HCFC2: variants seen among roughly 807,000 people sequenced by gnomAD.
HCFC2 encodes the protein host cell factor 2.
Under a neutral mutation model 89.2 loss-of-function variants are expected in HCFC2, and 18 were observed. The ratio of observed to expected loss-of-function variants is 0.20; its 90% CI spans 0.14 to 0.30. The LOEUF (loss-of-function observed/expected upper bound fraction) is 0.30, where lower values mean the gene tolerates loss of function less well. Among genes scored for constraint, HCFC2 ranks in the 10% least tolerant of loss-of-function variants. The pLI is 1.00. For synonymous variants in HCFC2, 308 were observed against 335.7 expected (o/e 0.92, Z 0.90); for missense variants, 578 against 956.1 (o/e 0.60, Z 5.21).
intron 4 of HCFC2, among the ~76,000 whole-genome samples, chr12:104,080,004 A>G (rs1883632654): frequency 6.6e-6 from 1 of 152,164 alleles, no homozygotes; most frequent in African/African-American, 2.4e-5. Flanking sequence ...TTATATGGTT[A>G]CCCTATCTAC....
At chr12:104,079,223 C>G (rs1312373902) in intron 3 of HCFC2, among the ~76,000 whole-genome samples, 1 of 152,090 alleles carries the variant, frequency 6.6e-6, no homozygotes, top group Non-Finnish European at 1.5e-5. Flanking sequence ...TATTTTTAAT[C>G]TCTTCTGCTC....
chr12:104,087,950 A>T, intron 8 of HCFC2, 36 bp from the exon 9 acceptor site: 2 of 1,309,930 alleles, frequency 1.5e-6, no homozygotes, highest in Non-Finnish European at 2.1e-6. Flanking sequence ...AAGCTAGTTA[A>T]GAGCATATCA....
At chr12:104,090,780 T>G (rs1187855735) in intron 9 of HCFC2, 3 of 152,154 alleles carry the variant, frequency 2.0e-5, no homozygotes, top group Non-Finnish European at 2.9e-5. Context: ...GTTTTAACCT[T>G]GGACTTCCAC....
chr12:104,064,539 C>T lies in HCFC2; in HGVS notation c.-22C>T, dbSNP rs1390322513. ...TGAGGCGGGAGCGGTGCATTGTGGGCAGAGGGGCGGGGGTTGGGAAGATGG... is the reference window on the plus strand; with the variant it reads ...TGAGGCGGGAGCGGTGCATTGTGGGTAGAGGGGCGGGGGTTGGGAAGATGG... On this transcript the variant is annotated 5_prime_UTR_variant, in exon 1 of 15. Transcript: ENST00000229330. This position sits in a 1 kb window ranked among gnomAD's most constrained non-coding sequence, Gnocchi z 7.3. The T allele has an allele frequency of 7.5e-6, 11 of 1,473,030 alleles. No individual in the cohort carries two copies. Among genetic ancestry groups the T allele is most frequent in the Non-Finnish European group, 9.0e-6 (10 of 1,109,534 alleles). The allele number at this position is 1,473,030 out of a possible 1,614,324, so 91.2% of individuals were successfully genotyped here. A position where few individuals can be genotyped will look rare whatever the true frequency, so the allele number is the denominator to read the frequency against.
intron 7 of HCFC2, among the ~76,000 whole-genome samples, chr12:104,084,859 G>A (rs569717559): frequency 6.6e-6 from 1 of 152,194 alleles, no homozygotes; most frequent in African/African-American, 2.4e-5. Context: ...TGTGGCAAGT[G>A]AAAGAAAGGG....
intron 12 of HCFC2, among the ~76,000 whole-genome samples, chr12:104,097,942 G>A (rs1227269168): frequency 1.3e-5 from 2 of 152,220 alleles, no homozygotes; most frequent in Non-Finnish European, 2.9e-5. Flanking sequence ...CTAGAAATGA[G>A]CCAGCTTGGA....
rs1347355033 is a variant in HCFC2 at position 104,105,148 on chromosome 12, A to C, written c.*1875A>C. ...TAAAATACATGGTAAGCAATTTTGC[A>C]CATATTAAATATTAGGGTTTGTTGT... On this transcript the variant is annotated 3_prime_UTR_variant, in exon 15 of 15. Transcript: ENST00000229330. 6.6e-6 allele frequency: 1 copy of C among 152,060 alleles called. No homozygotes were observed. Among genetic ancestry groups the C allele is most frequent in the Non-Finnish European group, 1.5e-5 (1 of 67,898 alleles). The allele number at this position is 152,060 out of a possible 1,614,324, so 9.4% of individuals were successfully genotyped here.
intron 3 of HCFC2, among the ~76,000 whole-genome samples, chr12:104,077,490 C>T (rs1177646725): frequency 1.3e-5 from 2 of 151,246 alleles, no homozygotes; most frequent in Non-Finnish European, 2.9e-5. Context: ...GTGATCTGCC[C>T]GCCTCGGCCT....
chr12:104,098,318 T>G (rs749438434), intron 12 of HCFC2, 25 bp from the exon 13 acceptor site: 1 of 1,578,798 alleles, frequency 6.3e-7, no homozygotes, highest in South Asian at 1.2e-5. Context: ...AGAGTCTTCA[T>G]AAATTTTTTT....
At chr12:104,066,073 T>C (rs1000575728) in intron 1 of HCFC2, 94 bp from the exon 2 acceptor site, 4 of 1,253,138 alleles carry the variant, frequency 3.2e-6, no homozygotes, top group South Asian at 2.5e-5. Context: ...TCATCCCCAG[T>C]TGAGACCCAC....
At chr12:104,087,060 A>G (rs1883874498) in intron 8 of HCFC2, 46 bp downstream of exon 8, 3 of 1,597,466 alleles carry the variant, frequency 1.9e-6, no homozygotes, top group Non-Finnish European at 2.6e-6. Flanking sequence ...ACATGCTTTT[A>G]AAAATATATA....
chr12:104,068,270 G>A lies in HCFC2; in HGVS notation c.473+163G>A, dbSNP rs1325683991. Among the ~76,000 whole-genome samples the A allele has an allele frequency of 6.6e-6, 1 of 152,100 alleles. No individual in the cohort carries two copies. The highest frequency in any genetic ancestry group is 1.5e-5 in the Non-Finnish European group (1 of 68,020). On this transcript the variant is annotated intron_variant, in intron 3 of 14. Coordinates refer to ENST00000229330, the MANE Select transcript of HCFC2 (RefSeq NM_013320.3). The surrounding 1 kb of genome is among the most constrained non-coding windows in gnomAD (Gnocchi z 4.1). Reference sequence around the variant, plus strand: ...GTTTGTGTTTTCCTTAGTACCTGGAGCATACTTGTTTTCAAAACTGTGTCT... The same window carrying A: ...GTTTGTGTTTTCCTTAGTACCTGGAACATACTTGTTTTCAAAACTGTGTCT...
chr12:104,079,269 A>G (rs1182246583), intron 3 of HCFC2, among the ~76,000 whole-genome samples, 176 bp from the exon 4 acceptor site: 2 of 152,160 alleles, frequency 1.3e-5, no homozygotes, highest in African/African-American at 4.8e-5. Context: ...GGTACATAGT[A>G]GTGTTTGATA....
chr12:104,081,706 AT>A (rs1399194720), intron 5 of HCFC2, among the ~76,000 whole-genome samples: 7 of 151,742 alleles, frequency 4.6e-5, no homozygotes, highest in Admixed American at 6.6e-5. Flanking sequence ...ATAAAATGAA[AT>A]TTTCCATTGA....
At position 104,082,881 on chromosome 12, in the gene HCFC2, A is replaced by G; in HGVS notation, c.1043A>G (p.Asp348Gly). ...CTGAATAGTCAAGTTTGCTGCAAGG[A>G]TCTTTGGTATCTTGATACTGGTAGG... ...KALNSQVCCKDLWYLDTEKPP... is the reference protein window; with the variant it reads ...KALNSQVCCKGLWYLDTEKPP... The change falls in exon 7 of 15, where the codon GAT (aspartate) becomes GGT (glycine). Residue 348 changes from aspartate to glycine, a missense_variant. Around this residue, in one of 4 missense-constraint regions of HCFC2, gnomAD observed 206 missense variants for 419.2 expected, o/e 0.49. Transcript: ENST00000229330. 1 of 1,602,882 alleles carries G rather than the reference A, an allele frequency of 6.2e-7. No individual in the cohort carries two copies. Among genetic ancestry groups the G allele is most frequent in the African/African-American group, 1.3e-5 (1 of 74,308 alleles).
chr12:104,098,852 TAGCC>T (rs1884254084), intron 13 of HCFC2, among the ~76,000 whole-genome samples: 1 of 151,992 alleles, frequency 6.6e-6, no homozygotes, highest in African/African-American at 2.4e-5. Flanking sequence ...TACAGAAACT[TAGCC>T]AGGCGTGGTG....
chr12:104,094,678 T>G (rs1884123829), intron 10 of HCFC2, among the ~76,000 whole-genome samples: 1 of 152,114 alleles, frequency 6.6e-6, no homozygotes, highest in African/African-American at 2.4e-5. Context: ...AGAAATCAAA[T>G]TTTGGGGAGA....
At chr12:104,066,089 T>C (rs1274118535) in intron 1 of HCFC2, 78 bp from the exon 2 acceptor site, 9 of 1,367,182 alleles carry the variant, frequency 6.6e-6, no homozygotes, top group East Asian at 2.4e-5. Flanking sequence ...CCCACTGATA[T>C]TGATGATATA....
At position 104,103,990 on chromosome 12, in the gene HCFC2, C is replaced by T. The variant is rs2030021618; in HGVS notation, c.*717C>T. 1 of 152,030 alleles carries T rather than the reference C, an allele frequency of 6.6e-6. No individual in the cohort carries two copies. Among genetic ancestry groups the T allele is most frequent in the African/African-American group, 2.4e-5 (1 of 41,438 alleles). The allele number at this position is 152,030 out of a possible 1,614,324, so 9.4% of individuals were successfully genotyped here. A position where few individuals can be genotyped will look rare whatever the true frequency, so the allele number is the denominator to read the frequency against. On this transcript the variant is annotated 3_prime_UTR_variant, in exon 15 of 15. Transcript: ENST00000229330. Reference sequence around the variant, plus strand: ...TAACTTATCTGGCCCTCATTTTCCTCATAACAGATGAGGGAGTTAAAGCAG... The same window carrying T: ...TAACTTATCTGGCCCTCATTTTCCTTATAACAGATGAGGGAGTTAAAGCAG...
Sources: allele counts gnomAD v4.1 joint callset (sites outside exome capture counted in the v4.1 genomes callset), GRCh38; gene constraint gnomAD v4.1.1; regional missense constraint gnomAD v4.1.1; non-coding constraint Gnocchi (gnomAD v3.1); transcripts MANE v1.5; gene names NCBI Gene and HGNC (gene_info 2026-07-23, HGNC 2026-07-21).